ARHGAP28: variants seen among roughly 807,000 people sequenced by gnomAD.
ARHGAP28 encodes the protein Rho GTPase activating protein 28.
Under a neutral mutation model 90.7 loss-of-function variants are expected in ARHGAP28, and 56 were observed. That is an observed-to-expected ratio of 0.62 (90% CI 0.50 to 0.77). ARHGAP28 has a LOEUF of 0.77. Among genes scored for constraint, ARHGAP28 ranks in the 30% least tolerant of loss-of-function variants. The pLI, the probability that ARHGAP28 is intolerant of heterozygous loss-of-function variation, is 0.00. For missense variants in ARHGAP28, 869 were observed against 900.9 expected (o/e 0.96, Z 0.45); for synonymous variants, 308 against 323.3 (o/e 0.95, Z 0.51).
intron 1 of ARHGAP28, among the ~76,000 whole-genome samples, chr18:6,783,262 C>A (rs1048888558): frequency 1.3e-5 from 2 of 152,014 alleles, no homozygotes; most frequent in Admixed American, 6.6e-5. Context: ...CATGTCGCCC[C>A]CCTCGAGAAG....
chr18:6,800,111 C>A (rs948567079), intron 1 of ARHGAP28, among the ~76,000 whole-genome samples: 3 of 152,132 alleles, frequency 2.0e-5, no homozygotes, highest in African/African-American at 7.2e-5. Context: ...TGAAAAAAAG[C>A]TCATCATCAC....
At chr18:6,802,451 T>C (rs1183666162) in intron 1 of ARHGAP28, among the ~76,000 whole-genome samples, 3 of 147,674 alleles carry the variant, frequency 2.0e-5, no homozygotes, top group Non-Finnish European at 4.5e-5. Context: ...ATTCAATTAA[T>C]TTTCCTGCTT....
chr18:6,779,512 A>T (rs2056308406), intron 1 of ARHGAP28, among the ~76,000 whole-genome samples: 2 of 152,306 alleles, frequency 1.3e-5, no homozygotes, highest in African/African-American at 4.8e-5. Flanking sequence ...TGTTTATATT[A>T]GAGGCTTTCC....
rs1116757 is a variant in ARHGAP28, at chr18:6,890,435, A to G, written c.1740A>G (p.Pro580=). 893,123 of 1,599,592 alleles carry G rather than the reference A, an allele frequency of 0.56. 251,077 individuals are homozygous for G. The highest frequency in any genetic ancestry group is 0.69 in the East Asian group (30,694 of 44,768). Residue 580 remains proline, a synonymous_variant, in exon 14 of 18, where the codon CCA becomes CCG. Coordinates refer to ENST00000383472, the MANE Select transcript of ARHGAP28 (RefSeq NM_001366230.1). ...LKYQKILWKV[P]SFLITQVRRM... ...AAGCTATTTTTCTTCTCCAGGTTCCATCTTTCTTAATCACTCAAGTAAGAA... is the reference window on the plus strand; with the variant it reads ...AAGCTATTTTTCTTCTCCAGGTTCCGTCTTTCTTAATCACTCAAGTAAGAA...
intron 1 of ARHGAP28, among the ~76,000 whole-genome samples, chr18:6,756,965 G>C (rs2056115796): frequency 2.0e-5 from 3 of 152,156 alleles, no homozygotes; most frequent in African/African-American, 4.8e-5. Context: ...GGGTGGGTCT[G>C]CCTCTTTCAG....
intron 1 of ARHGAP28, among the ~76,000 whole-genome samples, chr18:6,736,950 A>G (rs76033712): frequency 0.012 from 1,882 of 152,270 alleles, 37 homozygotes; most frequent in African/African-American, 0.043. Context: ...ATGTATTTTA[A>G]CTAAAGTAAA....
At chr18:6,777,680 G>A (rs78804029) in intron 1 of ARHGAP28, among the ~76,000 whole-genome samples, 17,866 of 152,132 alleles carry the variant, frequency 0.12, 1,297 homozygotes, top group Non-Finnish European at 0.15. Context: ...ATCTATGATT[G>A]CACCACTGCA....
At chr18:6,851,284 A>T (rs900991327) in intron 4 of ARHGAP28, among the ~76,000 whole-genome samples, 158 bp downstream of exon 4, 1 of 152,236 alleles carries the variant, frequency 6.6e-6, no homozygotes, top group South Asian at 2.1e-4. Context: ...TAAGGAAAAT[A>T]TTCAGCAGTA....
At chr18:6,810,927 T>A (rs1391780751) in intron 1 of ARHGAP28, among the ~76,000 whole-genome samples, 1 of 152,044 alleles carries the variant, frequency 6.6e-6, no homozygotes, top group Non-Finnish European at 1.5e-5. Context: ...ATAGTGGTCA[T>A]GGGGGTGGGG....
intron 1 of ARHGAP28, among the ~76,000 whole-genome samples, chr18:6,813,039 G>A (rs2056567471): frequency 6.6e-6 from 1 of 152,190 alleles, no homozygotes; most frequent in African/African-American, 2.4e-5. Flanking sequence ...TTTCAGTTGG[G>A]TGGACGATGA....
intron 1 of ARHGAP28, among the ~76,000 whole-genome samples, chr18:6,754,063 C>T (rs1300947857): frequency 6.6e-6 from 1 of 152,150 alleles, no homozygotes; most frequent in African/African-American, 2.4e-5. Flanking sequence ...TGACCATTTG[C>T]ATGAAATAAC....
At chr18:6,905,867 A>G (rs1226027076) in intron 16 of ARHGAP28, among the ~76,000 whole-genome samples, 4 of 152,146 alleles carry the variant, frequency 2.6e-5, no homozygotes, top group African/African-American at 7.2e-5. Context: ...GAAAATTACA[A>G]AATGCTGGTG....
At chr18:6,909,544 C>T (rs577829833) in intron 17 of ARHGAP28, among the ~76,000 whole-genome samples, 4 of 151,944 alleles carry the variant, frequency 2.6e-5, no homozygotes, top group South Asian at 2.1e-4. Flanking sequence ...CCACCCGCCT[C>T]GGCCTCCCAA....
chr18:6,890,604 G>T, intron 14 of ARHGAP28, 61 bp downstream of exon 14: 3 of 1,015,564 alleles, frequency 3.0e-6, no homozygotes, highest in East Asian at 2.4e-5. Flanking sequence ...CCTCAAAGGG[G>T]GGCACAAAGT....
intron 1 of ARHGAP28, among the ~76,000 whole-genome samples, chr18:6,794,121 T>C (rs775844582): frequency 1.3e-5 from 2 of 152,222 alleles, no homozygotes; most frequent in Non-Finnish European, 2.9e-5. Flanking sequence ...CAGAAAATTG[T>C]GCTTAAAATA....
chr18:6,857,694 G>A (rs371008723), intron 4 of ARHGAP28, among the ~76,000 whole-genome samples: 1 of 152,140 alleles, frequency 6.6e-6, no homozygotes, highest in Non-Finnish European at 1.5e-5. Context: ...TTCACCCTAC[G>A]CCTTCACCTA....
At chr18:6,826,119 T>TG (rs1555629711) in intron 2 of ARHGAP28, among the ~76,000 whole-genome samples, 1 of 135,466 alleles carries the variant, frequency 7.4e-6, no homozygotes, top group African/African-American at 2.8e-5. Flanking sequence ...TTGCCAGTGT[T>TG]TTTTTTTTTT....
At chr18:6,768,902 T>C (rs954418821) in intron 1 of ARHGAP28, among the ~76,000 whole-genome samples, 51 of 152,276 alleles carry the variant, frequency 3.3e-4, no homozygotes, top group African/African-American at 1.2e-3. Context: ...GCATCACATC[T>C]TCTGTTGTGC....
At chr18:6,791,679 T>C (rs541022256) in intron 1 of ARHGAP28, 86 of 152,240 alleles carry the variant, frequency 5.6e-4, no homozygotes, top group African/African-American at 1.9e-3. Context: ...TGGTGAGTAT[T>C]TGAACAAAAC....
Sources: gnomAD v4.1 joint callset for allele counts (sites outside exome capture counted in the v4.1 genomes callset) on GRCh38, gnomAD v4.1.1 for gene constraint, MANE v1.5 for transcripts, NCBI Gene and HGNC (gene_info 2026-07-23, HGNC 2026-07-21) for gene names.